The following ERICH1 variants were observed in gnomAD, a reference collection of about 807,000 sequenced individuals.
ERICH1 encodes glutamate-rich protein 1.
In ERICH1, 56 loss-of-function variants were observed where a neutral mutation model predicts 39.6. The ratio of observed to expected loss-of-function variants is 1.41; its 90% CI spans 1.14 to 1.77. The LOEUF (loss-of-function observed/expected upper bound fraction) is 1.77. Among genes scored for constraint, ERICH1 ranks in the 40% most tolerant of loss-of-function variants. The probability of loss-of-function intolerance (pLI) is 0.00; values close to 1 mark genes in which losing one functional copy is unlikely to be tolerated. For missense variants in ERICH1, 826 were observed against 575.4 expected (o/e 1.44, Z -4.45); for synonymous variants, 313 against 223.6 (o/e 1.40, Z -3.57).
At chr8:618,691 A>G (rs1797090831) in intron 3 of ERICH1, among the ~76,000 whole-genome samples, 1 of 152,206 alleles carries the variant, frequency 6.6e-6, no homozygotes. Flanking sequence ...CACACACAGC[A>G]CGCTTGGAAC....
At chr8:631,515 T>A (rs1007790133) in intron 3 of ERICH1, among the ~76,000 whole-genome samples, 5 of 152,142 alleles carry the variant, frequency 3.3e-5, no homozygotes, top group African/African-American at 1.2e-4. Context: ...CAGGAAGTGG[T>A]GACGGATTGG....
chr8:718,398 T>G (rs1483846107), intron 1 of ERICH1, among the ~76,000 whole-genome samples: 1 of 152,212 alleles, frequency 6.6e-6, no homozygotes, highest in East Asian at 1.9e-4. Flanking sequence ...AGGGAGCATT[T>G]TCACTGAATT....
In ERICH1 at chr8:705,514, G is replaced by A. The variant is rs112171654; in HGVS notation, c.169+10347C>T. ...AAAAAAAATCAATAAACTGGGCATA[G>A]AAGGGAACTTCTTCAACATGATAAA... is the stretch of plus-strand genomic sequence containing the variant. On this transcript the variant is annotated intron_variant, in intron 2 of 5. Coordinates refer to ENST00000262109, the MANE Select transcript of ERICH1 (RefSeq NM_207332.3). 8.4e-3 allele frequency among the ~76,000 whole-genome samples: 1,283 copies of A among 152,208 alleles called. 20 individuals are homozygous for A. Among genetic ancestry groups the A allele is most frequent in the African/African-American group, 0.03 (1,234 of 41,512 alleles).
intron 2 of ERICH1, among the ~76,000 whole-genome samples, chr8:701,485 C>T (rs1334347105): frequency 2.0e-5 from 3 of 152,222 alleles, no homozygotes; most frequent in Non-Finnish European, 2.9e-5. Context: ...CCCAGAGCAG[C>T]TGGGAGGCTG....
At position 700,374 on chromosome 8, in the gene ERICH1, CG is replaced by C. The variant is rs1487020387; in HGVS notation, c.170-7763del. On this transcript the variant is annotated intron_variant, in intron 2 of 5. Transcript: ENST00000262109. ...GCACACGCGCACAGGCCCGCACAGG[CG>C]CACAGGCCCGCACACGCGCACAGGC... Among the ~76,000 whole-genome samples the C allele has an allele frequency of 2.0e-4, 17 of 83,754 alleles. 1 individual carries two copies. The highest frequency in any genetic ancestry group is 4.6e-4 in the African/African-American group (12 of 26,002). 54.9% of individuals were successfully genotyped at this position (83,754 alleles called of 152,430 possible). A position where few individuals can be genotyped will look rare whatever the true frequency, so the allele number is the denominator to read the frequency against.
intron 3 of ERICH1, among the ~76,000 whole-genome samples, chr8:690,168 C>A (rs1182129248): frequency 1.3e-5 from 2 of 152,178 alleles, no homozygotes; most frequent in Non-Finnish European, 2.9e-5. Flanking sequence ...AGAACCACAT[C>A]CAACACAATG....
chr8:729,391 C>T (rs1490932057), intron 1 of ERICH1, among the ~76,000 whole-genome samples: 1 of 152,234 alleles, frequency 6.6e-6, no homozygotes, highest in African/African-American at 2.4e-5. Flanking sequence ...CCATCCCCTC[C>T]TCCTGCGGCA....
At chr8:720,561 G>C (rs1186634294) in intron 1 of ERICH1, among the ~76,000 whole-genome samples, 1 of 152,202 alleles carries the variant, frequency 6.6e-6, no homozygotes, top group Non-Finnish European at 1.5e-5. Context: ...GAGGGTGGGA[G>C]TGGGAAGAAG....
At position 699,838 on chromosome 8, in the gene ERICH1, G is replaced by GACCCGCACAC. The variant is rs1491227926; in HGVS notation, c.170-7227_170-7226insGTGTGCGGGT. Among the ~76,000 whole-genome samples the GACCCGCACAC allele has an allele frequency of 4.7e-3, 275 of 58,378 alleles. 7 individuals are homozygous for GACCCGCACAC. The highest frequency in any genetic ancestry group is 0.015 in the African/African-American group (252 of 16,510). 38.3% of individuals were successfully genotyped at this position (58,378 alleles called of 152,430 possible). On this transcript the variant is annotated intron_variant, in intron 2 of 5. Transcript: ENST00000262109. ...CCGCACAAGCGCACAGACCCGCACAGGCGCACAGACCCGCACACGCGCACA... is the reference window on the plus strand; with the variant it reads ...CCGCACAAGCGCACAGACCCGCACAGACCCGCACACGCGCACAGACCCGCACACGCGCACA...
chr8:684,551 GT>G (rs1215308290), intron 3 of ERICH1, among the ~76,000 whole-genome samples: 2 of 152,150 alleles, frequency 1.3e-5, no homozygotes, highest in Non-Finnish European at 2.9e-5. Context: ...CGGGTTTTCA[GT>G]GGTACCACAG....
chr8:731,011 T>TG, intron 1 of ERICH1, 129 bp downstream of exon 1: 1 of 1,023,986 alleles, frequency 9.8e-7, no homozygotes, highest in Non-Finnish European at 1.2e-6. Context: ...GGGGTGGAGG[T>TG]GGGGAGTCGG....
At chr8:642,765 G>A (rs767884495) in intron 3 of ERICH1, among the ~76,000 whole-genome samples, 106 of 152,212 alleles carry the variant, frequency 7.0e-4, no homozygotes, top group Middle Eastern at 3.4e-3. Flanking sequence ...AGTTCTCACC[G>A]GCTCAGAGGG....
At position 673,327 on chromosome 8, in the gene ERICH1, T is replaced by C. The variant is rs145130808; in HGVS notation, c.1025A>G (p.Asn342Ser). The stretch of plus-strand genomic sequence containing the variant: ...CATTTCCTGTGTTGACTTCAAAAAA[T>C]TTAGAATACTGTGTGCCTTTTCATT... ...ITNEKAHSIL[N>S]FLKSTQEMYF... The change falls in exon 4 of 6, where the codon AAT becomes AGT. Residue 342 changes from asparagine (N) to serine (S), a missense_variant. Physicochemically the swap from Asn to Ser is conservative, Grantham distance 46. Transcript: ENST00000262109. The C allele has an allele frequency of 1.2e-5, 20 of 1,611,186 alleles. No individual in the cohort carries two copies. The African/African-American group carries it at 2.3e-4, about 18-fold the overall frequency.
Position 665,207 on chromosome 8 carries a change from C to T in ERICH1, c.1259-531G>A, listed in dbSNP as rs570536504. Among the ~76,000 whole-genome samples, 3 of 152,296 alleles carry T rather than the reference C, an allele frequency of 2.0e-5. No individual in the cohort carries two copies. The South Asian group carries it at 6.2e-4, about 32-fold the overall frequency. Reference sequence around the variant, plus strand: ...CCACAATCGCCCCTGATGTCACCACCAACCCTCAGAGCTTCACGGCAGGGA... The same window carrying T: ...CCACAATCGCCCCTGATGTCACCACTAACCCTCAGAGCTTCACGGCAGGGA... On this transcript the variant is annotated intron_variant, in intron 5 of 5. Coordinates refer to ENST00000262109, the MANE Select transcript of ERICH1 (RefSeq NM_207332.3).
At chr8:616,834 GAA>G (rs1491387505) in intron 3 of ERICH1, among the ~76,000 whole-genome samples, 7 of 137,332 alleles carry the variant, frequency 5.1e-5, no homozygotes, top group East Asian at 2.3e-4. Flanking sequence ...GAGAGAGAGA[GAA>G]AGAGAGAGGG....
At chr8:730,999 C>A in intron 1 of ERICH1, 141 bp downstream of exon 1, 1 of 992,604 alleles carries the variant, frequency 1.0e-6, no homozygotes, top group Non-Finnish European at 1.3e-6. Flanking sequence ...TGGGTAGGGA[C>A]TGGGGTGGAG....
chr8:695,795 C>T (rs1810087639), intron 2 of ERICH1, among the ~76,000 whole-genome samples: 1 of 146,362 alleles, frequency 6.8e-6, no homozygotes, highest in African/African-American at 2.6e-5. Flanking sequence ...CATCAACCTG[C>T]ACCTGTGCTG....
chr8:620,929 G>C (rs576911439), intron 3 of ERICH1, among the ~76,000 whole-genome samples: 37 of 152,270 alleles, frequency 2.4e-4, no homozygotes, highest in Admixed American at 9.8e-4. Flanking sequence ...GATTTAACCA[G>C]CATCTACAGA....
intron 1 of ERICH1, among the ~76,000 whole-genome samples, chr8:728,383 CAG>C (rs1819283717): frequency 6.6e-6 from 1 of 152,198 alleles, no homozygotes. Flanking sequence ...TGGTCAACGC[CAG>C]ATGCAGTCAC....
Sources: allele counts gnomAD v4.1 joint callset (sites outside exome capture counted in the v4.1 genomes callset), GRCh38; gene constraint gnomAD v4.1.1; transcripts MANE v1.5; gene names NCBI Gene and HGNC (gene_info 2026-07-23, HGNC 2026-07-21).